The following LINGO2 variants were observed in gnomAD, a reference collection of about 807,000 sequenced individuals.
LINGO2 encodes leucine rich repeat and Ig domain containing 2, also known as leucine-rich repeat and immunoglobulin-like domain-containing nogo receptor-interacting protein 2.
Under a neutral mutation model 30.6 loss-of-function variants are expected in LINGO2, and 14 were observed. The ratio of observed to expected loss-of-function variants is 0.46; its 90% CI spans 0.30 to 0.72. The LOEUF is 0.72. Among genes scored for constraint, LINGO2 ranks in the 30% least tolerant of loss-of-function variants. The pLI, the probability that LINGO2 is intolerant of heterozygous loss-of-function variation, is 0.07. For synonymous variants in LINGO2, 317 were observed against 288.5 expected, an observed-to-expected ratio of 1.10 and a Z score of -1.00; for missense variants, 729 against 751.7, an observed-to-expected ratio of 0.97 and a Z score of 0.35.
At chr9:28,742,954 T>C in the LINGO2 span, among the ~76,000 whole-genome samples, 1 of 151,964 alleles carries the variant, frequency 6.6e-6, no homozygotes, top group Non-Finnish European at 1.5e-5. Context: ...GAGAAGGAAG[T>C]AGAAGAAACA....
At position 28,331,707 on chromosome 9, in the gene LINGO2, T is replaced by C. The variant is rs559847722; in HGVS notation, c.-245-36341A>G. The stretch of plus-strand genomic sequence containing the variant: ...TTTTTTTAGAGACAGAGTTTCACCA[T>C]GTTGCCCAGCCTGGCCTCGGACTCT... On this transcript the variant is annotated intron_variant, in intron 3 of 5. Coordinates refer to ENST00000379992, the Ensembl canonical transcript of LINGO2. 7.6e-4 allele frequency among the ~76,000 whole-genome samples: 116 copies of C among 152,288 alleles called. 1 individual carries two copies. Among genetic ancestry groups the C allele is most frequent in the Non-Finnish European group, 1.6e-3 (107 of 68,028 alleles).
At chr9:28,264,676 G>A (rs149476730) in intron 4 of LINGO2, among the ~76,000 whole-genome samples, 61 of 151,908 alleles carry the variant, frequency 4.0e-4, no homozygotes, top group African/African-American at 1.3e-3. Context: ...ATTCTAGCTC[G>A]GCCACACACA....
At chr9:28,954,716 G>A in the LINGO2 span, among the ~76,000 whole-genome samples, 1 of 152,064 alleles carries the variant, frequency 6.6e-6, no homozygotes, top group Non-Finnish European at 1.5e-5. Flanking sequence ...CATGGTACAC[G>A]GACAAGAATT....
the LINGO2 span, among the ~76,000 whole-genome samples, chr9:29,080,347 G>T: frequency 7.9e-5 from 12 of 151,564 alleles, no homozygotes; most frequent in African/African-American, 2.9e-4. Context: ...TTCTTTATTA[G>T]TCTTGCTAGC....
chr9:28,952,454 A>G, the LINGO2 span, among the ~76,000 whole-genome samples: 3 of 151,970 alleles, frequency 2.0e-5, no homozygotes, highest in Admixed American at 2.0e-4. Context: ...TTGCAATGAA[A>G]TTTTTCCATT....
chr9:28,265,446 A>G (rs961650398), intron 4 of LINGO2, among the ~76,000 whole-genome samples: 4 of 151,996 alleles, frequency 2.6e-5, no homozygotes, highest in Admixed American at 6.6e-5. Context: ...TGTGCTGTAA[A>G]TTATATGATA....
Position 28,149,393 on chromosome 9 carries a change from C to A in LINGO2, c.-86-136988G>T, listed in dbSNP as rs533375164. On this transcript the variant is annotated intron_variant, in intron 4 of 5. Coordinates refer to ENST00000379992, the Ensembl canonical transcript of LINGO2. ...GGAGCGCCTCTGCCAGGCTGCTCCA[C>A]CGTCTGGGAAGTAAGGAGCACCTCT... 8.3e-4 allele frequency among the ~76,000 whole-genome samples: 126 copies of A among 151,530 alleles called. 1 individual carries two copies. Among genetic ancestry groups the A allele is most frequent in the African/African-American group, 3.0e-3 (124 of 41,334 alleles).
chr9:28,895,376 G>T, the LINGO2 span, among the ~76,000 whole-genome samples: 1 of 152,042 alleles, frequency 6.6e-6, no homozygotes, highest in African/African-American at 2.4e-5. Context: ...GATCACAAAA[G>T]ATTGCAAAAA....
intron 4 of LINGO2, among the ~76,000 whole-genome samples, chr9:28,016,682 T>TAAAAAAAAAAAAAAAA (rs72138034): frequency 8.7e-6 from 1 of 115,322 alleles, no homozygotes; most frequent in African/African-American, 3.4e-5. Flanking sequence ...ATTAAACCAG[T>TAAAAAAAAAAAAAAAA]AAAAAAAAAA....
chr9:29,189,591 C>A, the LINGO2 span, among the ~76,000 whole-genome samples: 1 of 151,908 alleles, frequency 6.6e-6, no homozygotes, highest in Non-Finnish European at 1.5e-5. Flanking sequence ...GGCAGAGACG[C>A]TCCTCACTTC....
At chr9:28,046,003 C>G (rs986672606) in intron 4 of LINGO2, among the ~76,000 whole-genome samples, 1 of 152,046 alleles carries the variant, frequency 6.6e-6, no homozygotes, top group African/African-American at 2.4e-5. Flanking sequence ...AAGTTTAGAC[C>G]TATAATGAGG....
chr9:28,345,085 C>A (rs550459315), intron 3 of LINGO2, among the ~76,000 whole-genome samples: 8 of 150,092 alleles, frequency 5.3e-5, no homozygotes, highest in Non-Finnish European at 1.0e-4. Flanking sequence ...TAGTGGCTGA[C>A]GTGTTAAGAA....
intron 4 of LINGO2, among the ~76,000 whole-genome samples, chr9:28,211,909 C>G (rs1212540345): frequency 6.6e-6 from 1 of 151,184 alleles, no homozygotes; most frequent in Admixed American, 6.6e-5. Context: ...TAGTATTCTG[C>G]TTTGCATTCT....
At chr9:28,355,271 CTG>C (rs55660901) in intron 3 of LINGO2, among the ~76,000 whole-genome samples, 2,904 of 71,184 alleles carry the variant, frequency 0.041, 145 homozygotes, top group African/African-American at 0.11. Flanking sequence ...GTCTCTCTCT[CTG>C]TCTCTGTCTC....
chr9:28,875,125 A>C, the LINGO2 span, among the ~76,000 whole-genome samples: 3 of 152,076 alleles, frequency 2.0e-5, no homozygotes, highest in African/African-American at 7.2e-5. Context: ...TCAGAAATAG[A>C]TTCTGGTTCT....
At chr9:28,804,776 G>C in the LINGO2 span, among the ~76,000 whole-genome samples, 1 of 152,066 alleles carries the variant, frequency 6.6e-6, no homozygotes, top group South Asian at 2.1e-4. Context: ...TCATGGCACA[G>C]CTGGAACCTC....
rs201132526 is a variant in LINGO2, at chr9:28,410,091, AAGTT to A, written c.-278-37227_-278-37224del. On this transcript the variant is annotated intron_variant, in intron 2 of 5. Coordinates refer to ENST00000379992, the Ensembl canonical transcript of LINGO2. Reference sequence around the variant, plus strand: ...AAGGAAGAACAAAAAAAGAAAGAAAAAGTTAGGAAGAAAGGAAGGAAGGAGGAAA... The same window carrying A: ...AAGGAAGAACAAAAAAAGAAAGAAAAAGGAAGAAAGGAAGGAAGGAGGAAA... Among the ~76,000 whole-genome samples, 495 of 151,392 alleles carry A rather than the reference AAGTT, an allele frequency of 3.3e-3. 5 individuals are homozygous for A. Among genetic ancestry groups the A allele is most frequent in the African/African-American group, 0.011 (472 of 41,264 alleles).
chr9:28,479,129 T>C (rs1004367456), intron 1 of LINGO2, among the ~76,000 whole-genome samples: 3 of 152,028 alleles, frequency 2.0e-5, no homozygotes, highest in African/African-American at 7.2e-5. Context: ...ACTGTATTAG[T>C]GCTTTGTATA....
the LINGO2 span, among the ~76,000 whole-genome samples, chr9:29,005,274 G>A: frequency 2.6e-5 from 4 of 151,634 alleles, no homozygotes; most frequent in Non-Finnish European, 5.9e-5. Context: ...ATACATCAGG[G>A]TTACCTTCCA....
Sources: allele counts gnomAD v4.1 joint callset (sites outside exome capture counted in the v4.1 genomes callset), GRCh38; gene constraint gnomAD v4.1.1; transcripts MANE v1.5; gene names NCBI Gene and HGNC (gene_info 2026-07-23, HGNC 2026-07-21).